PPA2: variants seen among roughly 807,000 people sequenced by gnomAD.
PPA2 encodes the protein inorganic pyrophosphatase 2, also known as inorganic pyrophosphatase 2, mitochondrial.
In PPA2, 48 loss-of-function variants were observed where a neutral mutation model predicts 49.5. That is an observed-to-expected ratio of 0.97 (90% CI 0.77 to 1.23). The LOEUF is 1.23. PPA2 is among the 50% of genes most tolerant of loss of function. The pLI, the probability that PPA2 is intolerant of heterozygous loss-of-function variation, is 0.00. For missense variants in PPA2, 429 were observed against 410.1 expected (o/e 1.05, Z -0.40); for synonymous variants, 131 against 139.9 (o/e 0.94, Z 0.45).
intron 10 of PPA2, among the ~76,000 whole-genome samples, chr4:105,384,052 C>G (rs1158570643): frequency 6.6e-6 from 1 of 152,108 alleles, no homozygotes; most frequent in African/African-American, 2.4e-5. Context: ...ACTTTTATGA[C>G]AAAGAATTTC....
chr4:105,442,622 G>C (rs1724420569), intron 5 of PPA2, among the ~76,000 whole-genome samples: 1 of 152,180 alleles, frequency 6.6e-6, no homozygotes, highest in African/African-American at 2.4e-5. Flanking sequence ...AAACTGGTGG[G>C]AAGACGAGAT....
At chr4:105,435,792 T>C (rs1724028674) in intron 6 of PPA2, among the ~76,000 whole-genome samples, 1 of 152,126 alleles carries the variant, frequency 6.6e-6, no homozygotes, top group Admixed American at 6.6e-5. Context: ...AACTAGGCAC[T>C]GAAGGAACAT....
At chr4:105,434,616 C>T (rs1308011170) in intron 6 of PPA2, among the ~76,000 whole-genome samples, 1 of 152,170 alleles carries the variant, frequency 6.6e-6, no homozygotes, top group African/African-American at 2.4e-5. Flanking sequence ...ATAAGAATTC[C>T]TGGAAATCAC....
chr4:105,392,545 T>C (rs945965976), intron 9 of PPA2, among the ~76,000 whole-genome samples: 1 of 151,854 alleles, frequency 6.6e-6, no homozygotes, highest in African/African-American at 2.4e-5. Flanking sequence ...TGGTGGCAGG[T>C]GCCTGTAATC....
chr4:105,385,451 CA>C (rs201855663), intron 10 of PPA2, among the ~76,000 whole-genome samples: 46 of 149,324 alleles, frequency 3.1e-4, no homozygotes, highest in Admixed American at 1.7e-3. Flanking sequence ...AAAAAACAAA[CA>C]AAAAAAACAA....
At chr4:105,382,611 C>CTTTATTT (rs1186308177) in intron 10 of PPA2, among the ~76,000 whole-genome samples, 1 of 152,180 alleles carries the variant, frequency 6.6e-6, no homozygotes, top group Non-Finnish European at 1.5e-5. Context: ...AAAGATCCAA[C>CTTTATTT]TGTTAGTCAC....
intron 10 of PPA2, among the ~76,000 whole-genome samples, chr4:105,372,071 G>A (rs1482994236): frequency 6.6e-6 from 1 of 152,176 alleles, no homozygotes; most frequent in African/African-American, 2.4e-5. Flanking sequence ...AGTCAGGAGC[G>A]TGGACCTGGG....
intron 1 of PPA2, among the ~76,000 whole-genome samples, chr4:105,467,842 G>T (rs1389953409): frequency 6.6e-6 from 1 of 152,202 alleles, no homozygotes; most frequent in Non-Finnish European, 1.5e-5. Flanking sequence ...TGAGGGTGGG[G>T]AGTCAGGAGT....
chr4:105,391,794 A>T (rs1467245410), intron 9 of PPA2, among the ~76,000 whole-genome samples: 1 of 152,234 alleles, frequency 6.6e-6, no homozygotes, highest in Non-Finnish European at 1.5e-5. Flanking sequence ...TTTTAGGCAT[A>T]AAAATGAGTT....
intron 7 of PPA2, among the ~76,000 whole-genome samples, chr4:105,409,429 T>G (rs2726472): frequency 0.37 from 56,898 of 152,172 alleles, 12,593 homozygotes; most frequent in East Asian, 0.67. Context: ...AGTGCCCCTC[T>G]GCAAGGCCTA....
chr4:105,465,213 T>C (rs1275378446), intron 1 of PPA2, among the ~76,000 whole-genome samples: 3 of 152,222 alleles, frequency 2.0e-5, no homozygotes, highest in Admixed American at 6.5e-5. Context: ...GCGTTGTCTA[T>C]GTGTTTATTT....
Position 105,449,354 on chromosome 4 carries a change from ATTT to A in PPA2, c.314_316del (p.Lys105del). 6.4e-7 allele frequency: 1 copy of A among 1,566,514 alleles called. No homozygotes were observed. The highest frequency in any genetic ancestry group is 1.1e-5 in the South Asian group (1 of 88,306). ...ATTAATAAAGTATATCGGTACCTCCATTTTAGCATTTGTCCACCGAGGTATTTC... is the reference window on the plus strand; with the variant it reads ...ATTAATAAAGTATATCGGTACCTCCATAGCATTTGTCCACCGAGGTATTTC... On this transcript the variant is annotated inframe_deletion, in exon 4 of 12. Transcript: ENST00000341695.
intron 10 of PPA2, among the ~76,000 whole-genome samples, chr4:105,376,722 GA>G (rs1733268794): frequency 6.6e-6 from 1 of 152,168 alleles, no homozygotes; most frequent in Admixed American, 6.6e-5. Context: ...TTCTTGGCCT[GA>G]ATTCTAGATT....
At chr4:105,398,089 A>AACC (rs74311235) in intron 8 of PPA2, among the ~76,000 whole-genome samples, 56,638 of 151,754 alleles carry the variant, frequency 0.37, 12,507 homozygotes, top group East Asian at 0.68. Context: ...AACAAACAAA[A>AACC]AAAAACTACC....
intron 10 of PPA2, among the ~76,000 whole-genome samples, chr4:105,377,819 C>T (rs1733320015): frequency 6.6e-6 from 1 of 152,076 alleles, no homozygotes; most frequent in East Asian, 1.9e-4. Context: ...TATCTGTTTT[C>T]ACTCAATATT....
intron 5 of PPA2, among the ~76,000 whole-genome samples, chr4:105,444,120 A>C (rs1402648663): frequency 6.6e-6 from 1 of 152,198 alleles, no homozygotes; most frequent in Non-Finnish European, 1.5e-5. Flanking sequence ...TGCAGTACTT[A>C]CAAGAACACC....
chr4:105,380,244 C>T (rs895808495), intron 10 of PPA2, among the ~76,000 whole-genome samples: 6 of 152,116 alleles, frequency 3.9e-5, no homozygotes, highest in African/African-American at 1.4e-4. Flanking sequence ...TATTTCAAGG[C>T]ATCTGTCAAT....
chr4:105,404,719 T>C (rs945574380), intron 7 of PPA2, among the ~76,000 whole-genome samples: 4 of 152,188 alleles, frequency 2.6e-5, no homozygotes, highest in Non-Finnish European at 5.9e-5. Flanking sequence ...CCCAAAACTT[T>C]GTCCATGAAC....
intron 7 of PPA2, among the ~76,000 whole-genome samples, chr4:105,417,904 G>A (rs1188463621): frequency 6.6e-6 from 1 of 152,090 alleles, no homozygotes; most frequent in Non-Finnish European, 1.5e-5. Flanking sequence ...TGAAGAACAT[G>A]GACTCTGGAG....
Sources: gnomAD v4.1 joint callset for allele counts (sites outside exome capture counted in the v4.1 genomes callset) on GRCh38, gnomAD v4.1.1 for gene constraint, MANE v1.5 for transcripts, NCBI Gene and HGNC (gene_info 2026-07-23, HGNC 2026-07-21) for gene names.